The following COQ9 variants were observed in gnomAD, a reference collection of about 807,000 sequenced individuals.
COQ9 encodes the protein ubiquinone biosynthesis protein COQ9, mitochondrial.
In COQ9, 35 loss-of-function variants were observed where a neutral mutation model predicts 42.4. The ratio of observed to expected loss-of-function variants is 0.83; its 90% confidence interval spans 0.63 to 1.10. The LOEUF (loss-of-function observed/expected upper bound fraction) is 1.10. Ranked by LOEUF, COQ9 falls within the 50% of genes least tolerant of loss-of-function variation. The probability of loss-of-function intolerance (pLI) is 0.00; values close to 1 mark genes in which losing one functional copy is unlikely to be tolerated. For synonymous variants in COQ9, 155 were observed against 155.1 expected (o/e 1.00, Z 0.00); for missense variants, 406 against 414.6 (o/e 0.98, Z 0.18).
chr16:57,453,116 A>G (rs1232696120), intron 3 of COQ9, 180 bp downstream of exon 3: 51 of 746,412 alleles, frequency 6.8e-5, no homozygotes, highest in Non-Finnish European at 9.7e-5. Context: ...GTTATAAAGA[A>G]CATACCATGG....
At chr16:57,453,040 C>T (rs2030324954) in intron 3 of COQ9, 104 bp downstream of exon 3, 2 of 1,442,744 alleles carry the variant, frequency 1.4e-6, no homozygotes. Context: ...TAGCTCAGAG[C>T]CCCTCACAGC....
At position 57,447,513 on chromosome 16, in the gene COQ9, C is replaced by T. The variant is rs2030147954; in HGVS notation, c.8C>T (p.Ala3Val). The T allele has an allele frequency of 7.6e-7, 1 of 1,308,224 alleles. No individual in the cohort carries two copies. Among genetic ancestry groups the T allele is most frequent in the South Asian group, 2.5e-5 (1 of 40,278 alleles). The allele number at this position is 1,308,224 out of a possible 1,614,324, so 81.0% of individuals were successfully genotyped here. A position where few individuals can be genotyped will look rare whatever the true frequency, so the allele number is the denominator to read the frequency against. The change falls in exon 1 of 9, where the codon GCG (alanine) becomes GTG (valine). Residue 3 changes from alanine to valine, a missense_variant. Ala to Val is a moderately conservative substitution (Grantham distance 64, BLOSUM62 0). Coordinates refer to ENST00000262507, the MANE Select transcript of COQ9 (RefSeq NM_020312.4). ...GACGTGCCCGCTTCCAAAATGGCGG[C>T]GGCGGCGGTATCTGGTGCGCTTGGC... The part of the protein sequence containing the change: MA[A>V]AAVSGALGRA...
At chr16:57,453,348 G>A (rs571441366) in intron 3 of COQ9, 2 of 312,156 alleles carry the variant, frequency 6.4e-6, no homozygotes, top group African/African-American at 4.3e-5. Context: ...CTGCATCTTA[G>A]AATTAATGAC....
chr16:57,454,219 A>G (rs1040286360), intron 3 of COQ9: 7 of 152,256 alleles, frequency 4.6e-5, no homozygotes, highest in Non-Finnish European at 8.8e-5. Flanking sequence ...CCTATTGGCA[A>G]GAATTGTCTG....
chr16:57,456,278 A>G, intron 3 of COQ9: 1 of 560,348 alleles, frequency 1.8e-6, no homozygotes, highest in Non-Finnish European at 3.2e-6. Context: ...TCCCTGAGCT[A>G]GTCTCTGTGA....
At position 57,459,839 on chromosome 16, in the gene COQ9, G is replaced by T. The variant is rs1050034777; in HGVS notation, c.867+119G>T. The stretch of plus-strand genomic sequence containing the variant: ...GACAGTCCTGAGGGCCTTCCCAAGG[G>T]CCTGGCTGGTTCTTCCTCAGGCCAG... On this transcript the variant is annotated intron_variant, in intron 7 of 8. Coordinates refer to ENST00000262507, the MANE Select transcript of COQ9 (RefSeq NM_020312.4). 12 of 1,254,260 alleles carry T rather than the reference G, an allele frequency of 9.6e-6. No homozygotes were observed. The African/African-American group carries it at 1.8e-4, about 18-fold the overall frequency. The allele number at this position is 1,254,260 out of a possible 1,614,324, so 77.7% of individuals were successfully genotyped here. A position where few individuals can be genotyped will look rare whatever the true frequency, so the allele number is the denominator to read the frequency against.
At chr16:57,457,055 C>T in intron 5 of COQ9, 40 bp downstream of exon 5, 1 of 1,440,362 alleles carries the variant, frequency 6.9e-7, no homozygotes, top group Non-Finnish European at 9.8e-7. Flanking sequence ...AACAATAATC[C>T]TAATATTTAT....
intron 5 of COQ9, 48 bp from the exon 6 acceptor site, chr16:57,458,198 C>A: frequency 2.9e-6 from 4 of 1,367,070 alleles, no homozygotes; most frequent in Non-Finnish European, 4.1e-6. Flanking sequence ...GTCAACTATG[C>A]ACCATTACCT....
At chr16:57,451,597 C>G (rs2030290191) in intron 2 of COQ9, among the ~76,000 whole-genome samples, 1 of 152,186 alleles carries the variant, frequency 6.6e-6, no homozygotes, top group African/African-American at 2.4e-5. Context: ...ACAGAGATAA[C>G]CCTGCTAACA....
At chr16:57,459,440 A>AGG in intron 6 of COQ9, 125 bp from the exon 7 acceptor site, 1 of 923,248 alleles carries the variant, frequency 1.1e-6, no homozygotes, top group South Asian at 1.4e-5. Flanking sequence ...TGTTGTCCAG[A>AGG]GGGCCAGATG....
At chr16:57,457,143 T>C (rs1240394972) in intron 5 of COQ9, 128 bp downstream of exon 5, 1 of 774,052 alleles carries the variant, frequency 1.3e-6, no homozygotes, top group Non-Finnish European at 2.3e-6. Context: ...AACCCGACAA[T>C]ACTTAGTACA....
At chr16:57,450,525 A>T (rs1263367112) in intron 1 of COQ9, among the ~76,000 whole-genome samples, 1 of 152,074 alleles carries the variant, frequency 6.6e-6, no homozygotes, top group African/African-American at 2.4e-5. Flanking sequence ...GTAAATGGAG[A>T]TGTTGCAGAT....
chr16:57,453,171 A>G, intron 3 of COQ9: 2 of 576,598 alleles, frequency 3.5e-6, no homozygotes, highest in Non-Finnish European at 6.2e-6. Context: ...CTATTAGGCA[A>G]GAATTGTCTG....
intron 1 of COQ9, among the ~76,000 whole-genome samples, chr16:57,449,302 G>C (rs1176947997): frequency 6.6e-6 from 1 of 152,158 alleles, no homozygotes; most frequent in Non-Finnish European, 1.5e-5. Context: ...ACTTTAAAGG[G>C]GGGTAGGGTT....
At chr16:57,449,652 C>G (rs934842319) in intron 1 of COQ9, among the ~76,000 whole-genome samples, 4 of 151,876 alleles carry the variant, frequency 2.6e-5, no homozygotes, top group African/African-American at 9.7e-5. Context: ...TATATATATA[C>G]ACACACATAT....
At chr16:57,459,988 T>G in intron 7 of COQ9, 63 bp from the exon 8 acceptor site, 2 of 1,527,150 alleles carry the variant, frequency 1.3e-6, no homozygotes, top group Admixed American at 3.4e-5. Flanking sequence ...TGATTTGTCC[T>G]GCCTGTCTCA....
intron 6 of COQ9, among the ~76,000 whole-genome samples, 187 bp from the exon 7 acceptor site, chr16:57,459,378 C>T (rs1486752593): frequency 6.6e-6 from 1 of 152,150 alleles, no homozygotes; most frequent in East Asian, 1.9e-4. Flanking sequence ...CAGGAGCTTG[C>T]ATTTTTAATC....
In COQ9 at chr16:57,459,477, A is replaced by G. The variant is rs531463108; in HGVS notation, c.712-88A>G. The G allele has an allele frequency of 3.1e-5, 43 of 1,369,606 alleles. No individual in the cohort carries two copies. In the African/African-American group the frequency reaches 5.7e-4, roughly 18 times the overall value. The allele number at this position is 1,369,606 out of a possible 1,614,324, so 84.8% of individuals were successfully genotyped here. ...ATCTGTGACAGTCAAGAAGTAGTCAAGAGGGAACCCAGGAGTTCCCATGGC... is the reference window on the plus strand; with the variant it reads ...ATCTGTGACAGTCAAGAAGTAGTCAGGAGGGAACCCAGGAGTTCCCATGGC... On this transcript the variant is annotated intron_variant, in intron 6 of 8. Coordinates refer to ENST00000262507, the MANE Select transcript of COQ9 (RefSeq NM_020312.4).
In COQ9 at chr16:57,457,091, G is replaced by A. The variant is rs764647682; in HGVS notation, c.606+76G>A. 4.5e-6 allele frequency: 5 copies of A among 1,107,070 alleles called. No homozygotes were observed. In the East Asian group the frequency reaches 1.2e-4, roughly 26 times the overall value. 68.6% of individuals were successfully genotyped at this position (1,107,070 alleles called of 1,614,324 possible). The stretch of plus-strand genomic sequence containing the variant: ...CATTCTCAGCACCTTTCACTCAGAT[G>A]ACTTTGTACACTGTTCAGAACTTAG... On this transcript the variant is annotated intron_variant, in intron 5 of 8. Transcript: ENST00000262507.
Sources: allele counts gnomAD v4.1 joint callset (sites outside exome capture counted in the v4.1 genomes callset), GRCh38; gene constraint gnomAD v4.1.1; transcripts MANE v1.5; gene names NCBI Gene and HGNC (gene_info 2026-07-23, HGNC 2026-07-21).